PTPRN2: variants seen among roughly 807,000 people sequenced by gnomAD.
PTPRN2 encodes protein tyrosine phosphatase receptor type N2, also known as receptor-type tyrosine-protein phosphatase N2.
In PTPRN2, 74 loss-of-function variants were observed where a neutral mutation model predicts 118.8. That is an observed-to-expected ratio of 0.62 (90% CI 0.52 to 0.76). PTPRN2 has a LOEUF of 0.76. PTPRN2 is among the 30% of genes least tolerant of loss of function. The pLI, the probability that PTPRN2 is intolerant of heterozygous loss-of-function variation, is 0.00. For synonymous variants in PTPRN2, 641 were observed against 608.0 expected, an observed-to-expected ratio of 1.05 and a Z score of -0.80; for missense variants, 1,481 against 1,394.4, an observed-to-expected ratio of 1.06 and a Z score of -0.99.
chr7:158,439,789 G>A (rs1816851781), intron 2 of PTPRN2, among the ~76,000 whole-genome samples: 1 of 152,214 alleles, frequency 6.6e-6, no homozygotes, highest in South Asian at 2.1e-4. Flanking sequence ...CCAGTCTGTG[G>A]AGCTCCAGGC....
intron 1 of PTPRN2, among the ~76,000 whole-genome samples, chr7:158,566,856 T>C (rs970277053): frequency 3.9e-5 from 6 of 152,216 alleles, no homozygotes; most frequent in Admixed American, 3.9e-4. Context: ...GCTGGGATTA[T>C]AGGGAGCCGC....
chr7:158,369,415 G>A (rs1435071416), intron 2 of PTPRN2, among the ~76,000 whole-genome samples: 1 of 152,094 alleles, frequency 6.6e-6, no homozygotes, highest in African/African-American at 2.4e-5. Context: ...CTCAACACAT[G>A]GTGAGGGTGC....
At chr7:158,567,408 A>G in intron 1 of PTPRN2, among the ~76,000 whole-genome samples, 1 of 152,214 alleles carries the variant, frequency 6.6e-6, no homozygotes, top group Admixed American at 6.5e-5. Context: ...AACAGAATCT[A>G]TTAGACATGA....
At chr7:157,743,893 C>T (rs1429575163) in intron 12 of PTPRN2, among the ~76,000 whole-genome samples, 2 of 152,204 alleles carry the variant, frequency 1.3e-5, no homozygotes, top group Admixed American at 6.5e-5. Flanking sequence ...AAAGTGCTGC[C>T]CCATTTCTTT....
chr7:157,649,140 G>C (rs1441575570), intron 14 of PTPRN2, among the ~76,000 whole-genome samples: 2 of 128,564 alleles, frequency 1.6e-5, no homozygotes, highest in Non-Finnish European at 3.3e-5. Flanking sequence ...GAACTCGGTG[G>C]GTCGGACCCA....
chr7:158,053,806 CAG>C (rs1401363537), intron 11 of PTPRN2, among the ~76,000 whole-genome samples: 4 of 147,316 alleles, frequency 2.7e-5, no homozygotes, highest in Non-Finnish European at 4.5e-5. Context: ...GCAGAGACTC[CAG>C]AGAGGCAGAG....
At chr7:158,072,026 ATGGTGGAGGTGCTCGTGG>A (rs1360587723) in intron 11 of PTPRN2, among the ~76,000 whole-genome samples, 9 of 70,536 alleles carry the variant, frequency 1.3e-4, no homozygotes, top group African/African-American at 1.9e-4. Flanking sequence ...GGAGGTGCTC[ATGGTGGAGGTGCTCGTGG>A]TGGTGGAGGT....
intron 6 of PTPRN2, among the ~76,000 whole-genome samples, chr7:158,153,480 C>G (rs888263171): frequency 6.6e-6 from 1 of 152,172 alleles, no homozygotes; most frequent in Non-Finnish European, 1.5e-5. Context: ...CCCCTAGACA[C>G]TGCCATGGGG....
chr7:157,826,063 C>T (rs934063358), intron 12 of PTPRN2, among the ~76,000 whole-genome samples: 4 of 152,184 alleles, frequency 2.6e-5, no homozygotes, highest in African/African-American at 9.7e-5. Context: ...GTAAATAGAA[C>T]GGCAGCACAA....
chr7:158,274,341 G>A (rs1210952377), intron 3 of PTPRN2, among the ~76,000 whole-genome samples: 6 of 7,898 alleles, frequency 7.6e-4, no homozygotes, highest in African/African-American at 1.8e-3. Context: ...CCGCAGACGC[G>A]GGAGAGCCAC....
chr7:158,062,928 T>C (rs918909400), intron 11 of PTPRN2, among the ~76,000 whole-genome samples: 3 of 152,220 alleles, frequency 2.0e-5, no homozygotes, highest in African/African-American at 4.8e-5. Flanking sequence ...CCCAGTCCCA[T>C]TGACCGCCCA....
At chr7:157,862,484 A>G (rs970726700) in intron 12 of PTPRN2, 1 of 152,214 alleles carries the variant, frequency 6.6e-6, no homozygotes, top group African/African-American at 2.4e-5. Flanking sequence ...CCACTAGATT[A>G]TTTACTAACT....
chr7:158,350,754 G>C (rs555055937), intron 2 of PTPRN2, among the ~76,000 whole-genome samples: 1 of 152,144 alleles, frequency 6.6e-6, no homozygotes, highest in Non-Finnish European at 1.5e-5. Flanking sequence ...CCAGTGCCTC[G>C]CCTCACCTCA....
intron 11 of PTPRN2, among the ~76,000 whole-genome samples, chr7:158,005,970 C>T (rs1186487537): frequency 2.8e-4 from 43 of 152,232 alleles, no homozygotes; most frequent in Admixed American, 2.7e-3. Flanking sequence ...TTTCTGCCTG[C>T]ATCTGAATTT....
intron 2 of PTPRN2, among the ~76,000 whole-genome samples, chr7:158,362,414 T>C (rs1417259414): frequency 3.3e-5 from 5 of 152,120 alleles, no homozygotes; most frequent in African/African-American, 1.2e-4. Flanking sequence ...AATTTGACTT[T>C]ATTTGTAATT....
chr7:157,907,891 C>G (rs1797868819), intron 11 of PTPRN2, among the ~76,000 whole-genome samples: 1 of 152,134 alleles, frequency 6.6e-6, no homozygotes, highest in East Asian at 1.9e-4. Context: ...GATCTGATAT[C>G]CCACCTGTCT....
At chr7:157,899,343 T>C (rs1189076799) in intron 11 of PTPRN2, among the ~76,000 whole-genome samples, 1 of 152,120 alleles carries the variant, frequency 6.6e-6, no homozygotes, top group Non-Finnish European at 1.5e-5. Context: ...CCAAGGGAAA[T>C]GAGCTCTGGA....
At chr7:157,945,183 G>T (rs1344086260) in intron 11 of PTPRN2, among the ~76,000 whole-genome samples, 1 of 152,120 alleles carries the variant, frequency 6.6e-6, no homozygotes, top group African/African-American at 2.4e-5. Context: ...GGTGTTCAGG[G>T]CTGACTCCTC....
chr7:158,141,039 C>T (rs1819335909), intron 6 of PTPRN2, among the ~76,000 whole-genome samples: 1 of 152,108 alleles, frequency 6.6e-6, no homozygotes, highest in African/African-American at 2.4e-5. Flanking sequence ...CACCACGACC[C>T]TCCACTGTAG....
Sources: allele counts gnomAD v4.1 joint callset (sites outside exome capture counted in the v4.1 genomes callset), GRCh38; gene constraint gnomAD v4.1.1; transcripts MANE v1.5; gene names NCBI Gene and HGNC (gene_info 2026-07-23, HGNC 2026-07-21).